The following ABLIM1 variants were observed in gnomAD, a reference collection of about 807,000 sequenced individuals.
ABLIM1 encodes actin-binding LIM protein 1.
A neutral mutation model predicts 107.0 loss-of-function variants in ABLIM1; 40 were observed. The observed-to-expected ratio is 0.37, with a 90% CI of 0.29 to 0.49. The LOEUF is 0.49. Ranked by LOEUF, ABLIM1 falls within the 20% of genes least tolerant of loss-of-function variation. The pLI, the probability that ABLIM1 is intolerant of heterozygous loss-of-function variation, is 0.97. For missense variants in ABLIM1, 857 were observed against 1,008.5 expected (o/e 0.85, Z 2.04); for synonymous variants, 357 against 357.3 (o/e 1.00, Z 0.01).
chr10:114,673,191 G>A (rs1205206963), intron 1 of ABLIM1, among the ~76,000 whole-genome samples: 2 of 150,990 alleles, frequency 1.3e-5, no homozygotes, highest in Middle Eastern at 3.4e-3. Context: ...CTGGGAGGTG[G>A]AGGTTGCAGT....
At chr10:114,525,197 T>A (rs2064482191) in intron 6 of ABLIM1, among the ~76,000 whole-genome samples, 1 of 152,138 alleles carries the variant, frequency 6.6e-6, no homozygotes, top group Non-Finnish European at 1.5e-5. Flanking sequence ...TATAATCCCA[T>A]CCAAAATGTC....
At chr10:114,553,193 A>G (rs1191182990) in intron 4 of ABLIM1, among the ~76,000 whole-genome samples, 1 of 152,280 alleles carries the variant, frequency 6.6e-6, no homozygotes, top group African/African-American at 2.4e-5. Flanking sequence ...GGCTAGCTAT[A>G]AAAAAAGAGA....
At chr10:114,641,580 T>C (rs895487876) in intron 1 of ABLIM1, among the ~76,000 whole-genome samples, 23 of 152,200 alleles carry the variant, frequency 1.5e-4, no homozygotes, top group Non-Finnish European at 3.4e-4. Flanking sequence ...CAGAGACTGC[T>C]AGGGGGAGAA....
rs552232120 is a variant in ABLIM1, at chr10:114,543,752, C to T, written c.894+1253G>A. On this transcript the variant is annotated intron_variant, in intron 6 of 22. Transcript: ENST00000533213. ...GACTCTTGGGACCCTGCCCACTTCTCCAGCATCATCTGTCACATCGGTGCC... is the reference window on the plus strand; with the variant it reads ...GACTCTTGGGACCCTGCCCACTTCTTCAGCATCATCTGTCACATCGGTGCC... Among the ~76,000 whole-genome samples the T allele has an allele frequency of 2.6e-5, 4 of 152,364 alleles. No individual in the cohort carries two copies. The South Asian group carries it at 8.3e-4, about 32-fold the overall frequency.
chr10:114,652,724 CTTGT>C (rs1209866799), intron 1 of ABLIM1, among the ~76,000 whole-genome samples: 2 of 152,164 alleles, frequency 1.3e-5, no homozygotes, highest in Non-Finnish European at 2.9e-5. Flanking sequence ...GTGCCAGTCT[CTTGT>C]TTGTTTGTCA....
the ABLIM1 span, among the ~76,000 whole-genome samples, chr10:114,781,574 ATATG>A: frequency 2.0e-5 from 3 of 149,886 alleles, no homozygotes; most frequent in South Asian, 2.1e-4. Flanking sequence ...GTGTGTATGT[ATATG>A]TGTGTGTGAA....
chr10:114,571,394 T>A lies in ABLIM1; in HGVS notation c.576A>T (p.Pro192=), dbSNP rs760573907. The A allele has an allele frequency of 6.2e-7, 1 of 1,614,162 alleles. No individual in the cohort carries two copies. Among genetic ancestry groups the A allele is most frequent in the East Asian group, 2.2e-5 (1 of 44,876 alleles). ...CATTGAATGTGACTCGGTCTCCGGG[T>A]GGAAACGGGCGCCTGGAGGCAGAAA... ...FACTICKRPF[P]PGDRVTFNGR... The change falls in exon 4 of 23, where the codon CCA becomes CCT. Residue 192 remains proline (P), a synonymous_variant. Coordinates refer to ENST00000533213, the MANE Select transcript of ABLIM1 (RefSeq NM_002313.7).
intron 10 of ABLIM1, among the ~76,000 whole-genome samples, chr10:114,468,516 C>T (rs913838243): frequency 2.6e-5 from 4 of 152,002 alleles, no homozygotes; most frequent in South Asian, 4.2e-4. Context: ...CCTCATGATC[C>T]GCCCCCCTTA....
At chr10:114,605,743 C>T (rs777595417) in intron 1 of ABLIM1, among the ~76,000 whole-genome samples, 8 of 152,114 alleles carry the variant, frequency 5.3e-5, no homozygotes, top group Middle Eastern at 3.2e-3. Flanking sequence ...GAAAAGGTAA[C>T]GGGATTCCTC....
rs773449750 is a variant in ABLIM1 at position 114,491,810 on chromosome 10, T to C, written c.963A>G (p.Gly321=). 3.7e-6 allele frequency: 6 copies of C among 1,611,804 alleles called. No individual in the cohort carries two copies. Among genetic ancestry groups the C allele is most frequent in the Non-Finnish European group, 4.2e-6 (5 of 1,178,142 alleles). ...CSRCNQMFTE[G]EEMYLQGSTV... ...CCTCACCTTGAAGATACATTTCCTCTCCTTCTGTGAACATCTGGTTGCATC... is the reference window on the plus strand; with the variant it reads ...CCTCACCTTGAAGATACATTTCCTCCCCTTCTGTGAACATCTGGTTGCATC... Residue 321 remains glycine (G), a synonymous_variant, in exon 7 of 23, where the codon GGA becomes GGG. Transcript: ENST00000533213.
intron 8 of ABLIM1, chr10:114,485,216 G>A: frequency 8.7e-7 from 1 of 1,148,226 alleles, no homozygotes; most frequent in Non-Finnish European, 1.2e-6. Flanking sequence ...AGTTATGTGA[G>A]AAAAGCAGCC....
At chr10:114,651,513 T>A (rs1258632211) in intron 1 of ABLIM1, among the ~76,000 whole-genome samples, 1 of 152,122 alleles carries the variant, frequency 6.6e-6, no homozygotes, top group Non-Finnish European at 1.5e-5. Flanking sequence ...CGTGAAAGCA[T>A]CCTTCAAACA....
intron 1 of ABLIM1, among the ~76,000 whole-genome samples, chr10:114,739,228 T>C (rs953332138): frequency 6.6e-6 from 1 of 152,236 alleles, no homozygotes; most frequent in African/African-American, 2.4e-5. Flanking sequence ...ACAAGCTTAA[T>C]TATAACATGA....
chr10:114,528,268 C>T (rs984836962), intron 6 of ABLIM1, among the ~76,000 whole-genome samples: 2 of 152,270 alleles, frequency 1.3e-5, no homozygotes, highest in African/African-American at 4.8e-5. Context: ...CCCTGCCCTG[C>T]CACGTTTGTC....
At chr10:114,468,277 G>A in intron 10 of ABLIM1, 61 bp from the exon 11 acceptor site, 1 of 1,505,502 alleles carries the variant, frequency 6.6e-7, no homozygotes, top group South Asian at 1.1e-5. Context: ...CGTTTTGTTT[G>A]TTTGTTTGTT....
rs774535498 is a variant in ABLIM1 at position 114,444,039 on chromosome 10, G to A, written c.1923C>T (p.Pro641=). The A allele has an allele frequency of 6.2e-7, 1 of 1,605,704 alleles. No homozygotes were observed. The highest frequency in any genetic ancestry group is 1.7e-5 in the Admixed American group (1 of 57,874). Residue 641 remains proline (P), a synonymous_variant, in exon 17 of 23, where the codon CCC becomes CCT. Transcript: ENST00000533213. ...SSLLASRYDS[P]INSASHIPSS... is the part of the protein sequence containing the mutation. The stretch of plus-strand genomic sequence containing the variant: ...GGGTTTGCTGCTTACCTGAGTTGAT[G>A]GGAGAATCGTAGCGACTGGCTAACA...
chr10:114,753,794 A>G (rs1333702338), intron 1 of ABLIM1, among the ~76,000 whole-genome samples: 1 of 152,172 alleles, frequency 6.6e-6, no homozygotes, highest in Non-Finnish European at 1.5e-5. Flanking sequence ...TAGAAACTGC[A>G]TTGTCCAAGC....
the ABLIM1 span, among the ~76,000 whole-genome samples, chr10:114,796,429 GAT>G: frequency 6.6e-6 from 1 of 152,178 alleles, no homozygotes; most frequent in East Asian, 1.9e-4. Context: ...GGTTGTTTGT[GAT>G]ATGTCAGTTG....
At chr10:114,551,102 G>A (rs1193215117) in intron 4 of ABLIM1, among the ~76,000 whole-genome samples, 3 of 152,146 alleles carry the variant, frequency 2.0e-5, no homozygotes, top group Admixed American at 6.5e-5. Flanking sequence ...TACTCTCTCC[G>A]AACCCTCATT....
Sources: gnomAD v4.1 joint callset for allele counts (sites outside exome capture counted in the v4.1 genomes callset) on GRCh38, gnomAD v4.1.1 for gene constraint, MANE v1.5 for transcripts, NCBI Gene and HGNC (gene_info 2026-07-23, HGNC 2026-07-21) for gene names.